Variants in CDC7 observed in about 807,000 individuals in gnomAD.
The protein encoded by CDC7 is cell division cycle 7, also known as cell division cycle 7-related protein kinase.
In CDC7, 34 loss-of-function variants were observed where a neutral mutation model predicts 53.5. That is an observed-to-expected ratio of 0.64 (90% CI 0.48 to 0.85). CDC7 has a LOEUF of 0.85. CDC7 is among the 40% of genes least tolerant of loss of function. The pLI is 0.00. For synonymous variants in CDC7, 211 were observed against 222.8 expected, an observed-to-expected ratio of 0.95 and a Z score of 0.47; for missense variants, 594 against 679.7, an observed-to-expected ratio of 0.87 and a Z score of 1.40.
Position 91,513,062 on chromosome 1 carries a change from G to A in CDC7, c.577G>A (p.Ala193Thr), listed in dbSNP as rs1246168978. ...ATGCTTAATTTTGTCTCTTAGGTATGCCTTGGTAGACTTTGGTTTGGCCCA... is the reference window on the plus strand; with the variant it reads ...ATGCTTAATTTTGTCTCTTAGGTATACCTTGGTAGACTTTGGTTTGGCCCA... Reference protein sequence around the residue: ...FLYNRRLKKYALVDFGLAQGT... With the variant: ...FLYNRRLKKYTLVDFGLAQGT... Residue 193 changes from alanine to threonine, a missense_variant, in exon 7 of 12, where the codon GCC (alanine) becomes ACC (threonine). By Grantham distance (58) the Ala-to-Thr change is moderately conservative. Transcript: ENST00000234626. 1 of 1,613,156 alleles carries A rather than the reference G, an allele frequency of 6.2e-7. No individual in the cohort carries two copies. Among genetic ancestry groups the A allele is most frequent in the Admixed American group, 1.7e-5 (1 of 59,916 alleles).
At chr1:91,515,645 A>G (rs1330806404) in intron 9 of CDC7, 149 bp from the exon 10 acceptor site, 7 of 882,622 alleles carry the variant, frequency 7.9e-6, no homozygotes, top group Non-Finnish European at 9.8e-6. Flanking sequence ...TAGGATTTTT[A>G]TCACACTAGA....
intron 2 of CDC7, 85 bp downstream of exon 2, chr1:91,501,916 A>AT (rs1666712436): frequency 1.1e-6 from 1 of 949,662 alleles, no homozygotes; most frequent in South Asian, 1.4e-5. Context: ...AAAAAATAAG[A>AT]TTGAATCTTA....
intron 2 of CDC7, among the ~76,000 whole-genome samples, chr1:91,506,571 C>T (rs1386613333): frequency 6.6e-6 from 1 of 152,138 alleles, no homozygotes; most frequent in Non-Finnish European, 1.5e-5. Flanking sequence ...CTTTACTAGA[C>T]CAAGCTCTTA....
In CDC7 at chr1:91,513,245, G is replaced by T. The variant is rs1446919244; in HGVS notation, c.760G>T (p.Ala254Ser). 3.1e-6 allele frequency: 5 copies of T among 1,613,336 alleles called. No individual in the cohort carries two copies. The highest frequency in any genetic ancestry group is 3.4e-6 in the Non-Finnish European group (4 of 1,179,550). Residue 254 changes from alanine to serine, a missense_variant, in exon 7 of 12, where the codon GCT becomes TCT. Ala to Ser is a moderately conservative substitution (Grantham distance 99). Transcript: ENST00000234626. ...GCTGGATCAGCAGTCCACCACAAAA[G>T]CTTCTGTTAAAAGACCCTACACAAA... ...KELDQQSTTKASVKRPYTNAQ... is the reference protein window; with the variant it reads ...KELDQQSTTKSSVKRPYTNAQ...
intron 3 of CDC7, 98 bp from the exon 4 acceptor site, chr1:91,508,164 A>G: frequency 2.2e-6 from 2 of 919,764 alleles, no homozygotes; most frequent in Non-Finnish European, 3.2e-6. Flanking sequence ...GTTTTAATGT[A>G]TTATGCCATT....
Position 91,502,447 on chromosome 1 carries a change from A to AT in CDC7, c.115+627dup, listed in dbSNP as rs571962252. ...AAATAGAGGAATTCTAGTTGACTGT[A>AT]TTTTTTTTTTTCTGAAAGGGTAGCC... is the stretch of plus-strand genomic sequence containing the variant. On this transcript the variant is annotated intron_variant, in intron 2 of 11. Transcript: ENST00000234626. Among the ~76,000 whole-genome samples, 962 of 146,786 alleles carry AT rather than the reference A, an allele frequency of 6.6e-3. 10 individuals are homozygous for AT. The highest frequency in any genetic ancestry group is 0.015 in the African/African-American group (605 of 40,252).
At chr1:91,511,754 CTCATT>C (rs753858262) in intron 5 of CDC7, 22 bp from the exon 6 acceptor site, 1 of 1,455,982 alleles carries the variant, frequency 6.9e-7, no homozygotes, top group Non-Finnish European at 9.3e-7. Flanking sequence ...ATATTTGTAA[CTCATT>C]TCATTTGTAA....
chr1:91,504,744 A>G (rs1241773165), intron 2 of CDC7, among the ~76,000 whole-genome samples: 1 of 152,208 alleles, frequency 6.6e-6, no homozygotes, highest in African/African-American at 2.4e-5. Context: ...TCCAGGAGGT[A>G]TAAACCAGAG....
At chr1:91,506,339 A>C (rs2102333575) in intron 2 of CDC7, among the ~76,000 whole-genome samples, 1 of 151,600 alleles carries the variant, frequency 6.6e-6, no homozygotes, top group East Asian at 1.9e-4. Context: ...CCCCTACCCT[A>C]ATCATCCAAG....
Position 91,514,042 on chromosome 1 carries a change from A to AACTCATGAAGC in CDC7, c.918_918+1insCTCATGAAGCA (p.Gln310HisfsTer3). 2 of 1,597,710 alleles carry AACTCATGAAGC rather than the reference A, an allele frequency of 1.3e-6. No individual in the cohort carries two copies. Among genetic ancestry groups the AACTCATGAAGC allele is most frequent in the Non-Finnish European group, 1.7e-6 (2 of 1,165,724 alleles). ...ATTTCACATGAGAGCCCTGCAGTGA[A>AACTCATGAAGC]AGTAAGTAATGTAGCTTAATAGCAT... On this transcript the variant is annotated frameshift_variant and splice_region_variant, in exon 8 of 12. Transcript: ENST00000234626. LOFTEE classifies it high-confidence loss of function.
At chr1:91,504,146 A>G (rs1666855410) in intron 2 of CDC7, among the ~76,000 whole-genome samples, 1 of 144,372 alleles carries the variant, frequency 6.9e-6, no homozygotes, top group African/African-American at 2.6e-5. Context: ...CTGTCACACC[A>G]CTGTCACTGG....
At chr1:91,503,502 GT>G (rs1233443130) in intron 2 of CDC7, among the ~76,000 whole-genome samples, 1 of 152,134 alleles carries the variant, frequency 6.6e-6, no homozygotes, top group Non-Finnish European at 1.5e-5. Context: ...TTGATTGGAT[GT>G]TTTATATATC....
intron 4 of CDC7, 146 bp from the exon 5 acceptor site, chr1:91,511,451 C>G (rs1341248580): frequency 7.7e-6 from 4 of 521,098 alleles, no homozygotes; most frequent in Non-Finnish European, 1.4e-5. Flanking sequence ...ACACAAGTCA[C>G]TTGTGTTTAT....
At chr1:91,516,658 T>C (rs1291534178) in intron 10 of CDC7, among the ~76,000 whole-genome samples, 2 of 152,134 alleles carry the variant, frequency 1.3e-5, no homozygotes, top group East Asian at 3.9e-4. Context: ...CCCAAAGAGA[T>C]TATGAAAGGC....
chr1:91,506,445 A>G (rs1432402717), intron 2 of CDC7, among the ~76,000 whole-genome samples: 1 of 152,108 alleles, frequency 6.6e-6, no homozygotes, highest in Non-Finnish European at 1.5e-5. Flanking sequence ...CTTCAGAACA[A>G]AACTTAGCTG....
At chr1:91,509,756 GA>G (rs972080400) in intron 4 of CDC7, among the ~76,000 whole-genome samples, 19 of 151,154 alleles carry the variant, frequency 1.3e-4, no homozygotes, top group Admixed American at 4.6e-4. Context: ...TATGTACTTT[GA>G]AAAAAAAATT....
intron 7 of CDC7, 69 bp from the exon 8 acceptor site, chr1:91,513,879 G>C (rs969926206): frequency 9.0e-7 from 1 of 1,111,404 alleles, no homozygotes; most frequent in African/African-American, 1.6e-5. Flanking sequence ...CAAAACTATG[G>C]CAGAGTACAG....
chr1:91,514,121 T>C, intron 8 of CDC7, 78 bp downstream of exon 8: 2 of 874,528 alleles, frequency 2.3e-6, no homozygotes, highest in South Asian at 1.9e-5. Flanking sequence ...TAGATTAACA[T>C]TTATTATCAG....
chr1:91,506,683 C>T (rs1232323478), intron 2 of CDC7, among the ~76,000 whole-genome samples: 1 of 152,152 alleles, frequency 6.6e-6, no homozygotes. Flanking sequence ...GGTGCGGCGG[C>T]TCACACCTGT....
Sources: gnomAD v4.1 joint callset for allele counts (sites outside exome capture counted in the v4.1 genomes callset) on GRCh38, gnomAD v4.1.1 for gene constraint, MANE v1.5 for transcripts, NCBI Gene and HGNC (gene_info 2026-07-23, HGNC 2026-07-21) for gene names.